The following RHEX variants were observed in gnomAD, a reference collection of about 807,000 sequenced individuals.
RHEX encodes regulator of hemoglobinization and erythroid cell expansion.
Under a neutral mutation model 20.1 loss-of-function variants are expected in RHEX, and 18 were observed. The observed-to-expected ratio is 0.90, with a 90% CI of 0.62 to 1.33. The LOEUF (loss-of-function observed/expected upper bound fraction) is 1.33, where lower values mean the gene tolerates loss of function less well. RHEX is among the 40% of genes most tolerant of loss of function. The pLI is 0.00. For synonymous variants in RHEX, 87 were observed against 77.1 expected (o/e 1.13, Z -0.67); for missense variants, 192 against 214.3 (o/e 0.90, Z 0.65).
intron 1 of RHEX, among the ~76,000 whole-genome samples, chr1:206,093,190 T>C (rs1294968273): frequency 6.6e-6 from 1 of 152,206 alleles, no homozygotes; most frequent in Non-Finnish European, 1.5e-5. Context: ...GCAAAGAAAG[T>C]TTACAGCTAC....
chr1:206,089,390 T>C (rs1399654067), intron 1 of RHEX, among the ~76,000 whole-genome samples: 2 of 152,176 alleles, frequency 1.3e-5, no homozygotes, highest in East Asian at 3.8e-4. Flanking sequence ...TGTAGCTAAA[T>C]ACAATTGCAT....
intron 1 of RHEX, among the ~76,000 whole-genome samples, chr1:206,064,642 C>CG (rs1244052972): frequency 7.2e-5 from 6 of 83,460 alleles, no homozygotes; most frequent in African/African-American, 2.2e-4. Context: ...CGCCCCGTCC[C>CG]GGGGGGAGGT....
intron 1 of RHEX, among the ~76,000 whole-genome samples, chr1:206,084,904 A>G (rs1348184055): frequency 6.6e-6 from 1 of 152,208 alleles, no homozygotes; most frequent in Non-Finnish European, 1.5e-5. Context: ...ACAAGGAGGC[A>G]GGAATGGTAC....
At chr1:206,076,326 G>A (rs186807933) in intron 1 of RHEX, among the ~76,000 whole-genome samples, 29 of 152,132 alleles carry the variant, frequency 1.9e-4, no homozygotes, top group African/African-American at 6.0e-4. Context: ...CACCACCCTC[G>A]GCTAATTTTG....
rs1571877205 is a variant in RHEX, at chr1:206,102,028, C to T, written c.*76C>T. On this transcript the variant is annotated 3_prime_UTR_variant, in exon 6 of 6. Coordinates refer to ENST00000331555, the MANE Select transcript of RHEX (RefSeq NM_001007544.4). ...ATTTGTAGGGAAATGCCATTTTTCC[C>T]CCTTAAACAAGGCATGGGGCTCACA... The T allele has an allele frequency of 1.6e-6, 2 of 1,247,754 alleles. No individual in the cohort carries two copies. The highest frequency in any genetic ancestry group is 2.3e-5 in the East Asian group (1 of 42,682). 77.3% of individuals were successfully genotyped at this position (1,247,754 alleles called of 1,614,324 possible). A position where few individuals can be genotyped will look rare whatever the true frequency, so the allele number is the denominator to read the frequency against.
intron 1 of RHEX, among the ~76,000 whole-genome samples, chr1:206,055,673 A>T (rs1255317285): frequency 6.6e-6 from 1 of 152,278 alleles, no homozygotes; most frequent in Admixed American, 6.5e-5. Flanking sequence ...GATAAACTGC[A>T]TCTATTACAC....
chr1:206,100,520 C>T (rs1175556007), intron 4 of RHEX, among the ~76,000 whole-genome samples: 1 of 152,204 alleles, frequency 6.6e-6, no homozygotes, highest in Non-Finnish European at 1.5e-5. Flanking sequence ...GGGTGCTGCT[C>T]ATATGCATGT....
intron 1 of RHEX, among the ~76,000 whole-genome samples, chr1:206,083,030 C>A (rs1661697049): frequency 6.6e-6 from 1 of 152,184 alleles, no homozygotes; most frequent in Non-Finnish European, 1.5e-5. Context: ...TGCTTAATGA[C>A]AAAGAAGTTG....
chr1:206,087,911 A>G (rs1266907377), intron 1 of RHEX, among the ~76,000 whole-genome samples: 1 of 152,226 alleles, frequency 6.6e-6, no homozygotes, highest in African/African-American at 2.4e-5. Context: ...CCATTCCACA[A>G]TGTATACTTA....
intron 1 of RHEX, among the ~76,000 whole-genome samples, chr1:206,095,927 G>A (rs1342382466): frequency 4.6e-5 from 7 of 151,908 alleles, no homozygotes; most frequent in South Asian, 2.1e-4. Flanking sequence ...ACCTGGACTC[G>A]GGTGATCCTC....
At chr1:206,089,515 T>C in intron 1 of RHEX, among the ~76,000 whole-genome samples, 1 of 152,198 alleles carries the variant, frequency 6.6e-6, no homozygotes, top group Admixed American at 6.5e-5. Flanking sequence ...TCAGTTTTTG[T>C]TTTTTTCTTT....
At chr1:206,079,401 A>T (rs1662696124) in intron 1 of RHEX, among the ~76,000 whole-genome samples, 1 of 152,140 alleles carries the variant, frequency 6.6e-6, no homozygotes, top group Non-Finnish European at 1.5e-5. Flanking sequence ...CTGCTCCTGG[A>T]GCTTTAAATT....
intron 1 of RHEX, among the ~76,000 whole-genome samples, chr1:206,093,324 T>C (rs1553287267): frequency 1.3e-5 from 2 of 151,660 alleles, no homozygotes; most frequent in East Asian, 1.9e-4. Flanking sequence ...CAGGCTGGAG[T>C]ACAGTGGCGT....
Position 206,099,808 on chromosome 1 carries a change from G to T in RHEX, c.256+10G>T. 1.9e-6 allele frequency: 3 copies of T among 1,613,358 alleles called. No individual in the cohort carries two copies. The highest frequency in any genetic ancestry group is 2.5e-6 in the Non-Finnish European group (3 of 1,179,576). ...GATTCCCTTTACAGGCGTGAGTAAG[G>T]GGTTGGAGGGAGAACTTGTCTAGGG... is the stretch of plus-strand genomic sequence containing the variant. On this transcript the variant is annotated intron_variant, in intron 4 of 5. Coordinates refer to ENST00000331555, the MANE Select transcript of RHEX (RefSeq NM_001007544.4).
Position 206,090,318 on chromosome 1 carries a change from G to T in RHEX, c.-96-7415G>T, listed in dbSNP as rs549560002. Among the ~76,000 whole-genome samples, 3 of 147,214 alleles carry T rather than the reference G, an allele frequency of 2.0e-5. No individual in the cohort carries two copies. The South Asian group carries it at 6.4e-4, about 31-fold the overall frequency. ...TCTCCTAGGTTCAAGCGATTCTCCT[G>T]CCTCAGCCTCCAGAGTTGTTGGGAT... On this transcript the variant is annotated intron_variant, in intron 1 of 5. Coordinates refer to ENST00000331555, the MANE Select transcript of RHEX (RefSeq NM_001007544.4).
At chr1:206,064,106 C>T (rs1196761349) in intron 1 of RHEX, among the ~76,000 whole-genome samples, 3 of 147,316 alleles carry the variant, frequency 2.0e-5, no homozygotes, top group East Asian at 2.1e-4. Context: ...AGGTGAGGAG[C>T]GTCTCTGCCC....
intron 3 of RHEX, chr1:206,098,487 G>T: frequency 3.3e-6 from 1 of 301,266 alleles, no homozygotes; most frequent in Non-Finnish European, 6.3e-6. Flanking sequence ...CGTGTAACCT[G>T]GTCTAATTAA....
Position 206,099,686 on chromosome 1 carries a change from C to T in RHEX, c.144C>T (p.Ala48=). Residue 48 remains alanine, a synonymous_variant, in exon 4 of 6, where the codon GCC becomes GCT. Coordinates refer to ENST00000331555, the MANE Select transcript of RHEX (RefSeq NM_001007544.4). The stretch of plus-strand genomic sequence containing the variant: ...AGAGTGAACAGATACTGAAAGCGGC[C>T]AGTCTCCAGGTTCCCAGGCCCAGCC... The part of the protein sequence containing the change: ...AHKSEQILKA[A]SLQVPRPSPG... The T allele has an allele frequency of 6.2e-7, 1 of 1,614,152 alleles. No individual in the cohort carries two copies. The highest frequency in any genetic ancestry group is 8.5e-7 in the Non-Finnish European group (1 of 1,180,016).
At chr1:206,055,565 C>T (rs1377603046) in intron 1 of RHEX, among the ~76,000 whole-genome samples, 1 of 152,258 alleles carries the variant, frequency 6.6e-6, no homozygotes, top group African/African-American at 2.4e-5. Context: ...AATCGAAGCC[C>T]CGCAAGGAAC....
Sources: allele counts gnomAD v4.1 joint callset (sites outside exome capture counted in the v4.1 genomes callset), GRCh38; gene constraint gnomAD v4.1.1; transcripts MANE v1.5; gene names NCBI Gene and HGNC (gene_info 2026-07-23, HGNC 2026-07-21).